GUCY1A2: variants seen among roughly 807,000 people sequenced by gnomAD.
GUCY1A2 encodes the protein guanylate cyclase soluble subunit alpha-2.
GUCY1A2 carries 27 observed loss-of-function variants against 63.5 expected under a neutral mutation model. That is an observed-to-expected ratio of 0.43 (90% CI 0.31 to 0.59). The LOEUF (loss-of-function observed/expected upper bound fraction) is 0.59, where lower values mean the gene tolerates loss of function less well. Among genes scored for constraint, GUCY1A2 ranks in the 20% least tolerant of loss-of-function variants. GUCY1A2 has a pLI of 0.11. For synonymous variants in GUCY1A2, 364 were observed against 343.5 expected, an observed-to-expected ratio of 1.06 and a Z score of -0.66; for missense variants, 768 against 913.3, an observed-to-expected ratio of 0.84 and a Z score of 2.05.
At position 106,777,691 on chromosome 11, in the gene GUCY1A2, G is replaced by A. The variant is rs1475713284; in HGVS notation, c.1693-1109C>T. On this transcript the variant is annotated intron_variant, in intron 5 of 7. Coordinates refer to ENST00000526355, the MANE Select transcript of GUCY1A2 (RefSeq NM_000855.3). Reference sequence around the variant, plus strand: ...GCTGGGGCCTGTCGGGGGGTGGGGGGCTAGGGGTGGGATAGCATTAGGAGA... The same window carrying A: ...GCTGGGGCCTGTCGGGGGGTGGGGGACTAGGGGTGGGATAGCATTAGGAGA... Among the ~76,000 whole-genome samples, 7 of 111,590 alleles carry A rather than the reference G, an allele frequency of 6.3e-5. No homozygotes were observed. In the East Asian group the frequency reaches 1.6e-3, roughly 26 times the overall value. The allele number at this position is 111,590 out of a possible 152,430, so 73.2% of individuals were successfully genotyped here. A position where few individuals can be genotyped will look rare whatever the true frequency, so the allele number is the denominator to read the frequency against.
chr11:106,833,720 G>A (rs187066546), intron 4 of GUCY1A2, among the ~76,000 whole-genome samples: 5 of 151,946 alleles, frequency 3.3e-5, no homozygotes, highest in East Asian at 3.9e-4. Context: ...TTAATCAACC[G>A]TAAGTAAAGA....
At chr11:107,012,669 A>T (rs1647970547) in intron 1 of GUCY1A2, among the ~76,000 whole-genome samples, 1 of 152,216 alleles carries the variant, frequency 6.6e-6, no homozygotes, top group African/African-American at 2.4e-5. Context: ...ATTGGGGATA[A>T]GGTAAAGAAA....
At chr11:106,955,410 T>A (rs1267969912) in intron 3 of GUCY1A2, among the ~76,000 whole-genome samples, 3 of 152,224 alleles carry the variant, frequency 2.0e-5, no homozygotes, top group Non-Finnish European at 2.9e-5. Context: ...TTGGTCTTTA[T>A]ATTTTGCTGT....
intron 4 of GUCY1A2, among the ~76,000 whole-genome samples, chr11:106,927,313 C>A (rs1354981948): frequency 6.6e-6 from 1 of 151,292 alleles, no homozygotes; most frequent in African/African-American, 2.4e-5. Flanking sequence ...GCGGAGCTTG[C>A]AGTGAGCAGA....
At chr11:106,791,975 C>A (rs1276149683) in intron 5 of GUCY1A2, among the ~76,000 whole-genome samples, 1 of 152,018 alleles carries the variant, frequency 6.6e-6, no homozygotes, top group Non-Finnish European at 1.5e-5. Flanking sequence ...GATACCAAAA[C>A]CTGGCAGAGA....
chr11:106,874,314 C>G (rs1859720065), intron 4 of GUCY1A2, among the ~76,000 whole-genome samples: 1 of 151,982 alleles, frequency 6.6e-6, no homozygotes, highest in Non-Finnish European at 1.5e-5. Context: ...CCGAGTAGTC[C>G]AGGAATTGAT....
chr11:106,725,060 G>A (rs1863380959), intron 6 of GUCY1A2, among the ~76,000 whole-genome samples: 3 of 151,006 alleles, frequency 2.0e-5, no homozygotes, highest in South Asian at 2.1e-4. Flanking sequence ...AATTAGGATT[G>A]CAGACTGAAT....
At chr11:107,008,944 C>A (rs180841620) in intron 1 of GUCY1A2, among the ~76,000 whole-genome samples, 6 of 152,270 alleles carry the variant, frequency 3.9e-5, no homozygotes, top group Non-Finnish European at 5.9e-5. Context: ...AGTAGACTCA[C>A]GCATAACAAA....
At chr11:107,000,499 T>C (rs1174156456) in intron 1 of GUCY1A2, among the ~76,000 whole-genome samples, 1 of 152,224 alleles carries the variant, frequency 6.6e-6, no homozygotes, top group African/African-American at 2.4e-5. Flanking sequence ...TAAAAGACAT[T>C]TTCATTAGTT....
chr11:106,950,417 A>G (rs949446725), intron 3 of GUCY1A2, among the ~76,000 whole-genome samples: 2 of 152,244 alleles, frequency 1.3e-5, no homozygotes, highest in Admixed American at 6.5e-5. Context: ...GAGGAGCTGC[A>G]GGAGCACCTG....
chr11:106,691,922 T>C lies in GUCY1A2; in HGVS notation c.1992-4166A>G, dbSNP rs1430699332. On this transcript the variant is annotated intron_variant, in intron 7 of 7. Transcript: ENST00000526355. ...AGTGCAATATTCAGTTGACTTCCAATAGGACAATCTGAATGACTTACTGGG... is the reference window on the plus strand; with the variant it reads ...AGTGCAATATTCAGTTGACTTCCAACAGGACAATCTGAATGACTTACTGGG... Among the ~76,000 whole-genome samples, 5 of 152,276 alleles carry C rather than the reference T, an allele frequency of 3.3e-5. No individual in the cohort carries two copies. In the East Asian group the frequency reaches 9.7e-4, roughly 29 times the overall value.
rs546189342 is a variant in GUCY1A2, at chr11:106,679,059, C to T, written c.*8490G>A. On this transcript the variant is annotated 3_prime_UTR_variant, in exon 8 of 8. Transcript: ENST00000526355. The stretch of plus-strand genomic sequence containing the variant: ...AAAACTTTCAAAAGTCTCTGACATT[C>T]TAAGTTTTGGATATGAGTGAGTTGA... 5.4e-6 allele frequency: 1 copy of T among 186,778 alleles called. No individual in the cohort carries two copies. The highest frequency in any genetic ancestry group is 1.9e-4 in the South Asian group (1 of 5,148). 11.6% of individuals were successfully genotyped at this position (186,778 alleles called of 1,614,324 possible). A position where few individuals can be genotyped will look rare whatever the true frequency, so the allele number is the denominator to read the frequency against.
chr11:106,826,402 T>C (rs1858971698), intron 4 of GUCY1A2: 5 of 1,552,282 alleles, frequency 3.2e-6, no homozygotes, highest in South Asian at 2.3e-5. Flanking sequence ...TTAGTCAAAA[T>C]AATCTTCTAT....
chr11:106,744,980 T>G (rs1591258888), intron 6 of GUCY1A2, among the ~76,000 whole-genome samples: 1 of 152,232 alleles, frequency 6.6e-6, no homozygotes, highest in Non-Finnish European at 1.5e-5. Flanking sequence ...GAGTGTAAAC[T>G]ACTTTGTATA....
chr11:106,884,424 C>T (rs908160983), intron 4 of GUCY1A2, among the ~76,000 whole-genome samples: 9 of 151,928 alleles, frequency 5.9e-5, no homozygotes, highest in Admixed American at 1.3e-4. Flanking sequence ...CTTCAGACAG[C>T]GAAAATAGCA....
At position 106,934,546 on chromosome 11, in the gene GUCY1A2, T is replaced by C. The variant is rs565752329; in HGVS notation, c.1206+4914A>G. Among the ~76,000 whole-genome samples the C allele has an allele frequency of 5.3e-5, 8 of 152,246 alleles. No individual in the cohort carries two copies. In the South Asian group the frequency reaches 1.2e-3, roughly 24 times the overall value. On this transcript the variant is annotated intron_variant, in intron 4 of 7. Coordinates refer to ENST00000526355, the MANE Select transcript of GUCY1A2 (RefSeq NM_000855.3). ...AAGGTGGGCAACTGTCTAGAAAAGA[T>C]AAGAGAGTATTCTGAAAACTGATTT...
At chr11:106,722,448 T>A (rs1438803447) in intron 6 of GUCY1A2, among the ~76,000 whole-genome samples, 1 of 152,032 alleles carries the variant, frequency 6.6e-6, no homozygotes, top group Non-Finnish European at 1.5e-5. Context: ...TACTGAAAAT[T>A]CAAGATTTTT....
intron 4 of GUCY1A2, among the ~76,000 whole-genome samples, chr11:106,823,827 A>G (rs1858932997): frequency 2.0e-5 from 3 of 152,154 alleles, no homozygotes; most frequent in Admixed American, 1.3e-4. Context: ...AGGGATACTG[A>G]TCATTATATC....
chr11:107,011,028 C>T (rs558363554), intron 1 of GUCY1A2, among the ~76,000 whole-genome samples: 32 of 152,282 alleles, frequency 2.1e-4, no homozygotes, highest in Admixed American at 2.6e-4. Context: ...CTGCGCCTGG[C>T]CCTCCTAAGC....
Sources: allele counts gnomAD v4.1 joint callset (sites outside exome capture counted in the v4.1 genomes callset), GRCh38; gene constraint gnomAD v4.1.1; transcripts MANE v1.5; gene names NCBI Gene and HGNC (gene_info 2026-07-23, HGNC 2026-07-21).